Variants in ARHGAP25 observed in about 807,000 individuals in gnomAD.
ARHGAP25 encodes the protein rho GTPase-activating protein 25.
A neutral mutation model predicts 71.0 loss-of-function variants in ARHGAP25; 34 were observed. The observed-to-expected ratio is 0.48, with a 90% CI of 0.36 to 0.64. The LOEUF (loss-of-function observed/expected upper bound fraction) is 0.64. ARHGAP25 is among the 30% of genes least tolerant of loss of function. ARHGAP25 has a pLI of 0.00. For synonymous variants in ARHGAP25, 282 were observed against 296.5 expected, an observed-to-expected ratio of 0.95 and a Z score of 0.50; for missense variants, 706 against 805.1, an observed-to-expected ratio of 0.88 and a Z score of 1.49.
At chr2:68,710,685 T>C (rs368800132) in exon 2 of ARHGAP25, 1 of 152,206 alleles carries the variant, frequency 6.6e-6, no homozygotes, top group Non-Finnish European at 1.5e-5. Flanking sequence ...TCCATAAATA[T>C]GTCTCTGCAG....
At chr2:68,773,254 T>A in intron 1 of ARHGAP25, among the ~76,000 whole-genome samples, 1 of 152,156 alleles carries the variant, frequency 6.6e-6, no homozygotes, top group East Asian at 1.9e-4. Context: ...AACTCTGGTG[T>A]TTGAAAGTAT....
intron 2 of ARHGAP25, among the ~76,000 whole-genome samples, chr2:68,728,791 T>C (rs761826421): frequency 2.0e-5 from 3 of 152,142 alleles, no homozygotes; most frequent in Admixed American, 6.5e-5. Flanking sequence ...AAAAAACTTG[T>C]GCACAAATGT....
intron 4 of ARHGAP25, among the ~76,000 whole-genome samples, chr2:68,800,546 T>A (rs1412027301): frequency 6.6e-6 from 1 of 151,276 alleles, no homozygotes; most frequent in Non-Finnish European, 1.5e-5. Context: ...TGAGGGGAGG[T>A]GGGGCTGGCA....
At chr2:68,711,916 A>G (rs1674492030) in intron 2 of ARHGAP25, among the ~76,000 whole-genome samples, 1 of 151,910 alleles carries the variant, frequency 6.6e-6, no homozygotes, top group Non-Finnish European at 1.5e-5. Context: ...CCAGTCTATC[A>G]TTGTGCATTT....
At chr2:68,773,092 A>G (rs755694132) in intron 1 of ARHGAP25, among the ~76,000 whole-genome samples, 4 of 152,202 alleles carry the variant, frequency 2.6e-5, no homozygotes, top group Non-Finnish European at 5.9e-5. Flanking sequence ...TATTATGGGA[A>G]CTCAGACCCC....
At chr2:68,803,278 T>C (rs1368168922) in intron 4 of ARHGAP25, among the ~76,000 whole-genome samples, 2 of 152,010 alleles carry the variant, frequency 1.3e-5, no homozygotes, top group African/African-American at 4.8e-5. Flanking sequence ...AGGGAGAAAG[T>C]ATTGAAGAGG....
At chr2:68,724,808 C>T (rs540625459) in intron 2 of ARHGAP25, among the ~76,000 whole-genome samples, 1 of 152,264 alleles carries the variant, frequency 6.6e-6, no homozygotes, top group Non-Finnish European at 1.5e-5. Flanking sequence ...AGGCCGTGCT[C>T]GACCTTGTCA....
At chr2:68,778,662 G>A (rs1166197293) in intron 2 of ARHGAP25, among the ~76,000 whole-genome samples, 1 of 152,110 alleles carries the variant, frequency 6.6e-6, no homozygotes, top group Non-Finnish European at 1.5e-5. Flanking sequence ...AAAGTCATCT[G>A]GCCAGATTTA....
intron 1 of ARHGAP25, among the ~76,000 whole-genome samples, chr2:68,741,176 C>T (rs1202962916): frequency 2.6e-5 from 4 of 152,184 alleles, no homozygotes; most frequent in Non-Finnish European, 5.9e-5. Context: ...ATAGGGCTCA[C>T]TGAGTTGTCT....
chr2:68,816,107 A>C, intron 6 of ARHGAP25, 182 bp from the exon 7 acceptor site: 2 of 666,832 alleles, frequency 3.0e-6, no homozygotes, highest in South Asian at 3.2e-5. Context: ...TTTAAAAAAA[A>C]TTCTGTGAGA....
intron 1 of ARHGAP25, among the ~76,000 whole-genome samples, chr2:68,769,101 C>G (rs986364599): frequency 6.6e-6 from 1 of 152,166 alleles, no homozygotes; most frequent in Non-Finnish European, 1.5e-5. Context: ...GTATTAGCCT[C>G]TCATATTGTT....
chr2:68,822,669 A>G lies in ARHGAP25; in HGVS notation c.1530A>G (p.Pro510=), dbSNP rs1160136241. The G allele has an allele frequency of 2.5e-6, 4 of 1,614,012 alleles. No homozygotes were observed. Among genetic ancestry groups the G allele is most frequent in the African/African-American group, 1.3e-5 (1 of 74,928 alleles). ...TSTYDNVPSL[P]GSPGEEASAL... ...CCTACGATAACGTCCCTTCCCTGCC[A>G]GGGTCCCCTGGGGAGGAAGCCAGTG... The change falls in exon 10 of 11, where the codon CCA becomes CCG. Residue 510 remains proline, a synonymous_variant. Coordinates refer to ENST00000409202, the MANE Select transcript of ARHGAP25 (RefSeq NM_001007231.3).
upstream of ARHGAP25, among the ~76,000 whole-genome samples, chr2:68,731,411 C>A (rs1675017311): frequency 6.6e-6 from 1 of 152,056 alleles, no homozygotes; most frequent in African/African-American, 2.4e-5. Flanking sequence ...TCTTTCCATG[C>A]CCATGCTGCC....
intron 1 of ARHGAP25, among the ~76,000 whole-genome samples, chr2:68,763,277 A>G (rs1356629284): frequency 3.3e-5 from 5 of 152,238 alleles, no homozygotes; most frequent in Non-Finnish European, 7.3e-5. Context: ...ATTATATGAC[A>G]CAGTAGAAGT....
chr2:68,726,174 G>T (rs548742630), intron 2 of ARHGAP25, among the ~76,000 whole-genome samples: 12 of 152,088 alleles, frequency 7.9e-5, no homozygotes, highest in African/African-American at 2.9e-4. Context: ...CTGTCTTCTT[G>T]TTGGCTGTGT....
At chr2:68,736,755 CAAGTGCTGGCTAA>C (rs999270793) in intron 1 of ARHGAP25, among the ~76,000 whole-genome samples, 26 of 152,116 alleles carry the variant, frequency 1.7e-4, no homozygotes, top group Non-Finnish European at 3.7e-4. Flanking sequence ...AGACTCACAT[CAAGTGCTGGCTAA>C]AAATGCAGAT....
chr2:68,776,164 G>A (rs1289174751), intron 2 of ARHGAP25, among the ~76,000 whole-genome samples: 1 of 152,158 alleles, frequency 6.6e-6, no homozygotes, highest in Non-Finnish European at 1.5e-5. Context: ...GCCTGGCTGC[G>A]GAATAGCAAG....
chr2:68,807,041 T>A (rs1680423601), intron 4 of ARHGAP25, among the ~76,000 whole-genome samples: 1 of 152,240 alleles, frequency 6.6e-6, no homozygotes, highest in Non-Finnish European at 1.5e-5. Flanking sequence ...CCAACCATTA[T>A]TTTAAATATG....
chr2:68,755,311 C>T (rs149283241), intron 1 of ARHGAP25, among the ~76,000 whole-genome samples: 171 of 152,180 alleles, frequency 1.1e-3, no homozygotes, highest in African/African-American at 3.4e-3. Flanking sequence ...TTTTCCAGGC[C>T]TCCTCCCAAA....
Sources: gnomAD v4.1 joint callset for allele counts (sites outside exome capture counted in the v4.1 genomes callset) on GRCh38, gnomAD v4.1.1 for gene constraint, MANE v1.5 for transcripts, NCBI Gene and HGNC (gene_info 2026-07-23, HGNC 2026-07-21) for gene names.